Variants in DPYD observed in about 807,000 individuals in gnomAD.
DPYD encodes dihydropyrimidine dehydrogenase.
Under a neutral mutation model 116.2 loss-of-function variants are expected in DPYD, and 109 were observed. The ratio of observed to expected loss-of-function variants is 0.94; its 90% CI spans 0.80 to 1.10. The LOEUF is 1.10. Ranked by LOEUF, DPYD falls within the 50% of genes least tolerant of loss-of-function variation. The probability of loss-of-function intolerance (pLI) is 0.00; values close to 1 mark genes in which losing one functional copy is unlikely to be tolerated. For synonymous variants in DPYD, 440 were observed against 432.0 expected (o/e 1.02, Z -0.23); for missense variants, 1,302 against 1,254.5 (o/e 1.04, Z -0.57).
intron 4 of DPYD, among the ~76,000 whole-genome samples, chr1:97,725,539 C>A (rs1663204271): frequency 6.6e-6 from 1 of 151,422 alleles, no homozygotes; most frequent in African/African-American, 2.4e-5. Flanking sequence ...TTCCTGATTT[C>A]AAAAATTACT....
chr1:97,883,497 A>C (rs1324346778), intron 1 of DPYD, 123 bp from the exon 2 acceptor site: 25 of 748,878 alleles, frequency 3.3e-5, no homozygotes, highest in Non-Finnish European at 5.5e-5. Context: ...CCCAGGCTGG[A>C]GTGCAGTGGT....
intron 5 of DPYD, among the ~76,000 whole-genome samples, chr1:97,702,651 T>G (rs1444366817): frequency 6.6e-6 from 1 of 151,912 alleles, no homozygotes; most frequent in Admixed American, 6.6e-5. Flanking sequence ...CATAACCAAA[T>G]GGAATATAAT....
At chr1:97,660,027 C>T (rs1437600898) in intron 8 of DPYD, among the ~76,000 whole-genome samples, 1 of 152,096 alleles carries the variant, frequency 6.6e-6, no homozygotes, top group Non-Finnish European at 1.5e-5. Context: ...GGTTCTATCA[C>T]TATATTTAAG....
intron 3 of DPYD, among the ~76,000 whole-genome samples, chr1:97,744,115 CATA>C (rs1177875160): frequency 6.6e-6 from 1 of 151,754 alleles, no homozygotes; most frequent in Non-Finnish European, 1.5e-5. Context: ...TTGACATGAA[CATA>C]AAAATGTATG....
chr1:97,539,644 C>T (rs751652201), intron 12 of DPYD, among the ~76,000 whole-genome samples: 23 of 152,012 alleles, frequency 1.5e-4, no homozygotes, highest in African/African-American at 2.2e-4. Context: ...AATAATGACA[C>T]GGCAAAAATA....
intron 3 of DPYD, among the ~76,000 whole-genome samples, chr1:97,785,668 T>TG (rs1433675224): frequency 3.4e-5 from 5 of 149,036 alleles, no homozygotes; most frequent in South Asian, 2.1e-4. Context: ...TTTTTTCTTT[T>TG]GGGCCACTGA....
chr1:97,300,393 G>T (rs1666791365), intron 18 of DPYD, among the ~76,000 whole-genome samples: 1 of 151,960 alleles, frequency 6.6e-6, no homozygotes, highest in South Asian at 2.1e-4. Context: ...CAGATAATAG[G>T]CATGTTTTTC....
chr1:97,437,904 C>T (rs1675555963), intron 14 of DPYD, among the ~76,000 whole-genome samples: 1 of 151,944 alleles, frequency 6.6e-6, no homozygotes. Context: ...TTCTATATAT[C>T]ATGTGAGATC....
intron 19 of DPYD, among the ~76,000 whole-genome samples, chr1:97,233,553 GT>G (rs1661716040): frequency 6.6e-6 from 1 of 152,122 alleles, no homozygotes; most frequent in Non-Finnish European, 1.5e-5. Flanking sequence ...TATCCGTGGT[GT>G]TGGGTGGAGC....
chr1:97,821,987 T>C (rs1290089443), intron 3 of DPYD, among the ~76,000 whole-genome samples: 1 of 151,904 alleles, frequency 6.6e-6, no homozygotes, highest in African/African-American at 2.4e-5. Context: ...CAAATCTGAT[T>C]CTTACTATTG....
chr1:97,590,661 G>T (rs997035965), intron 10 of DPYD, among the ~76,000 whole-genome samples: 1 of 152,282 alleles, frequency 6.6e-6, no homozygotes, highest in South Asian at 2.1e-4. Flanking sequence ...CTGCAGGCAG[G>T]TTACCTATTA....
At chr1:97,545,919 G>A in intron 12 of DPYD, 7 of 1,077,900 alleles carry the variant, frequency 6.5e-6, no homozygotes, top group Non-Finnish European at 1.0e-5. Context: ...AGGATTTGGT[G>A]AGTTTAAAGA....
At chr1:97,130,395 C>G (rs1653188689) in intron 20 of DPYD, among the ~76,000 whole-genome samples, 1 of 152,156 alleles carries the variant, frequency 6.6e-6, no homozygotes, top group Admixed American at 6.5e-5. Flanking sequence ...AGGAGATGCT[C>G]TTTACCTCTT....
chr1:97,458,296 A>C (rs768969815), intron 13 of DPYD, among the ~76,000 whole-genome samples: 1 of 152,184 alleles, frequency 6.6e-6, no homozygotes, highest in Non-Finnish European at 1.5e-5. Flanking sequence ...TATTTAAAGG[A>C]GTATCTAAAA....
chr1:97,845,941 G>A (rs1256407345), intron 2 of DPYD, among the ~76,000 whole-genome samples: 1 of 152,206 alleles, frequency 6.6e-6, no homozygotes, highest in African/African-American at 2.4e-5. Context: ...GCCTGGAGCT[G>A]CCCACCCTGC....
chr1:97,705,402 C>A (rs112934928), intron 5 of DPYD, among the ~76,000 whole-genome samples: 5 of 151,994 alleles, frequency 3.3e-5, no homozygotes, highest in South Asian at 4.2e-4. Context: ...TTTGTCCTTG[C>A]GATAGTTTGC....
At position 97,713,674 on chromosome 1, in the gene DPYD, G is replaced by T. The variant is rs138404750; in HGVS notation, c.483+7836C>A. 7.0e-3 allele frequency among the ~76,000 whole-genome samples: 1,069 copies of T among 152,184 alleles called. 14 individuals are homozygous for T. The highest frequency in any genetic ancestry group is 0.024 in the African/African-American group (1,012 of 41,542). On this transcript the variant is annotated intron_variant, in intron 5 of 22. Coordinates refer to ENST00000370192, the MANE Select transcript of DPYD (RefSeq NM_000110.4). ...ATCTTCAAAGATGTTACTTGTATTT[G>T]CATTCCAGACAGACACATTTTACCA...
intron 1 of DPYD, among the ~76,000 whole-genome samples, chr1:97,895,079 A>G (rs1188474725): frequency 1.3e-5 from 2 of 151,824 alleles, no homozygotes; most frequent in Non-Finnish European, 1.5e-5. Flanking sequence ...ATATTTTAGC[A>G]TTTATACTTT....
chr1:97,195,212 A>G (rs1244043950), intron 19 of DPYD, among the ~76,000 whole-genome samples: 2 of 152,102 alleles, frequency 1.3e-5, no homozygotes, highest in Non-Finnish European at 2.9e-5. Context: ...AACTGAGCAA[A>G]GAAAAACTCA....
Sources: allele counts gnomAD v4.1 joint callset (sites outside exome capture counted in the v4.1 genomes callset), GRCh38; gene constraint gnomAD v4.1.1; transcripts MANE v1.5; gene names NCBI Gene and HGNC (gene_info 2026-07-23, HGNC 2026-07-21).